Variants in DDX31 observed in about 807,000 individuals in gnomAD.
DDX31 encodes the protein DEAD-box helicase 31, also known as ATP-dependent DNA helicase DDX31.
DDX31 carries 70 observed loss-of-function variants against 91.3 expected under a neutral mutation model. The ratio of observed to expected loss-of-function variants is 0.77; its 90% CI spans 0.63 to 0.94. DDX31 has a LOEUF of 0.94. DDX31 is among the 40% of genes least tolerant of loss of function. The pLI, the probability that DDX31 is intolerant of heterozygous loss-of-function variation, is 0.00. For synonymous variants in DDX31, 362 were observed against 350.6 expected (o/e 1.03, Z -0.36); for missense variants, 902 against 925.0 (o/e 0.98, Z 0.32).
chr9:132,659,659 T>C (rs1834808021), intron 5 of DDX31, 51 bp downstream of exon 5: 1 of 1,562,930 alleles, frequency 6.4e-7, no homozygotes, highest in African/African-American at 1.4e-5. Context: ...ACCTAGTGCA[T>C]GACCATGGGC....
intron 14 of DDX31, among the ~76,000 whole-genome samples, chr9:132,635,753 T>C (rs768980929): frequency 2.0e-5 from 3 of 151,694 alleles, no homozygotes; most frequent in Non-Finnish European, 4.4e-5. Flanking sequence ...CGAGACCAGC[T>C]TGACCAACAT....
At chr9:132,641,982 T>C (rs1833530055) in intron 14 of DDX31, 22 bp downstream of exon 14, 1 of 1,610,548 alleles carries the variant, frequency 6.2e-7, no homozygotes. Flanking sequence ...AGCCTTCACA[T>C]GGAACACAGG....
chr9:132,652,773 A>G (rs1319431340), intron 6 of DDX31, among the ~76,000 whole-genome samples: 1 of 152,154 alleles, frequency 6.6e-6, no homozygotes, highest in Non-Finnish European at 1.5e-5. Flanking sequence ...GTGATAATGA[A>G]TAAGTCTCAC....
At chr9:132,610,985 G>C (rs776029475) in intron 19 of DDX31, among the ~76,000 whole-genome samples, 10 of 152,128 alleles carry the variant, frequency 6.6e-5, no homozygotes, top group Non-Finnish European at 1.5e-4. Context: ...ACGGGGCCCT[G>C]ACAAGACTGA....
intron 16 of DDX31, among the ~76,000 whole-genome samples, chr9:132,629,327 C>T (rs1480574284): frequency 6.6e-6 from 1 of 152,244 alleles, no homozygotes; most frequent in Non-Finnish European, 1.5e-5. Flanking sequence ...TTCCTGCCTC[C>T]CCCAACACTG....
chr9:132,609,888 A>G (rs2119275690), intron 19 of DDX31, among the ~76,000 whole-genome samples: 1 of 152,226 alleles, frequency 6.6e-6, no homozygotes, highest in South Asian at 2.1e-4. Flanking sequence ...CCAAAGTGCT[A>G]GGATTATAAG....
chr9:132,652,506 G>C lies in DDX31; in HGVS notation c.589-14C>G. On this transcript the variant is annotated splice_polypyrimidine_tract_variant and intron_variant, in intron 6 of 19. Transcript: ENST00000372159. ...GCCATCACTGCGCTGTTGACACACA[G>C]AAAAAAAATGCCATGAGCAGGATAA... is the stretch of plus-strand genomic sequence containing the variant. 6.2e-7 allele frequency: 1 copy of C among 1,613,350 alleles called. No homozygotes were observed. The highest frequency in any genetic ancestry group is 8.5e-7 in the Non-Finnish European group (1 of 1,179,682).
At chr9:132,608,893 A>G (rs867869779) in intron 19 of DDX31, among the ~76,000 whole-genome samples, 1 of 152,168 alleles carries the variant, frequency 6.6e-6, no homozygotes, top group South Asian at 2.1e-4. Context: ...GAGGTGTGGA[A>G]AATCTGTCAA....
At chr9:132,616,883 T>C (rs1346568780) in intron 18 of DDX31, among the ~76,000 whole-genome samples, 1 of 152,248 alleles carries the variant, frequency 6.6e-6, no homozygotes, top group Non-Finnish European at 1.5e-5. Flanking sequence ...GCAATTATAA[T>C]GTGCTAAAGG....
intron 19 of DDX31, among the ~76,000 whole-genome samples, chr9:132,606,130 A>C (rs756433104): frequency 3.3e-5 from 5 of 152,276 alleles, no homozygotes; most frequent in Non-Finnish European, 7.3e-5. Flanking sequence ...ACACGGAGAA[A>C]TCCTCATGTC....
rs1296737636 is a variant in DDX31 at position 132,660,976 on chromosome 9, G to A, written c.452+232C>T. On this transcript the variant is annotated intron_variant, in intron 4 of 19. Coordinates refer to ENST00000372159, the MANE Select transcript of DDX31 (RefSeq NM_022779.9). ...CGCTCATGCAGCCCACCTTCTGGATGAGACGTCTCTTGCGGTTCAGAGCCA... is the reference window on the plus strand; with the variant it reads ...CGCTCATGCAGCCCACCTTCTGGATAAGACGTCTCTTGCGGTTCAGAGCCA... 7.8e-6 allele frequency: 4 copies of A among 511,958 alleles called. No individual in the cohort carries two copies. The South Asian group carries it at 8.3e-5, about 11-fold the overall frequency. 31.7% of individuals were successfully genotyped at this position (511,958 alleles called of 1,614,324 possible).
chr9:132,667,137 C>A (rs1419491009), intron 1 of DDX31, among the ~76,000 whole-genome samples: 1 of 151,992 alleles, frequency 6.6e-6, no homozygotes, highest in Non-Finnish European at 1.5e-5. Flanking sequence ...GTGTGAGCCA[C>A]CTCGCCCAGC....
intron 16 of DDX31, among the ~76,000 whole-genome samples, chr9:132,629,329 C>A (rs554592216): frequency 1.3e-5 from 2 of 152,370 alleles, no homozygotes; most frequent in South Asian, 2.1e-4. Context: ...CCTGCCTCCC[C>A]CAACACTGAA....
intron 13 of DDX31, among the ~76,000 whole-genome samples, chr9:132,644,658 C>G (rs1833707879): frequency 6.6e-6 from 1 of 152,218 alleles, no homozygotes; most frequent in African/African-American, 2.4e-5. Flanking sequence ...TGAGTCCATA[C>G]CCAGCTCCCC....
At chr9:132,636,606 T>C (rs950743673) in intron 14 of DDX31, among the ~76,000 whole-genome samples, 9 of 152,222 alleles carry the variant, frequency 5.9e-5, no homozygotes, top group African/African-American at 1.7e-4. Context: ...CAGCCTGTCA[T>C]TGTGTCTTCA....
chr9:132,618,563 AT>A, intron 17 of DDX31, 122 bp from the exon 18 acceptor site: 1 of 682,106 alleles, frequency 1.5e-6, no homozygotes, highest in Non-Finnish European at 2.3e-6. Context: ...AACAAGGGTA[AT>A]CCTTTCAATA....
At chr9:132,602,998 G>T (rs1258808130) in intron 19 of DDX31, among the ~76,000 whole-genome samples, 1 of 152,114 alleles carries the variant, frequency 6.6e-6, no homozygotes, top group Non-Finnish European at 1.5e-5. Flanking sequence ...TGGGCTTCAG[G>T]ATCTCTAAGA....
chr9:132,622,885 C>A (rs1832131312), intron 17 of DDX31, among the ~76,000 whole-genome samples: 1 of 152,178 alleles, frequency 6.6e-6, no homozygotes, highest in South Asian at 2.1e-4. Flanking sequence ...AATCCCAGCA[C>A]TTTGGGAGGC....
intron 15 of DDX31, 133 bp downstream of exon 15, chr9:132,631,908 A>G: frequency 1.3e-6 from 1 of 744,886 alleles, no homozygotes; most frequent in South Asian, 1.9e-5. Flanking sequence ...TGAACAGATA[A>G]GGCTGGTTTG....
Sources: allele counts gnomAD v4.1 joint callset (sites outside exome capture counted in the v4.1 genomes callset), GRCh38; gene constraint gnomAD v4.1.1; transcripts MANE v1.5; gene names NCBI Gene and HGNC (gene_info 2026-07-23, HGNC 2026-07-21).